Variants in SPAG16 observed in about 807,000 individuals in gnomAD.
The protein encoded by SPAG16 is sperm-associated antigen 16 protein.
In SPAG16, 86 loss-of-function variants were observed where a neutral mutation model predicts 80.4. That is an observed-to-expected ratio of 1.07 (90% confidence interval 0.90 to 1.28). The LOEUF (loss-of-function observed/expected upper bound fraction) is 1.28, where lower values mean the gene tolerates loss of function less well. SPAG16 is among the 50% of genes most tolerant of loss of function. The pLI, the probability that SPAG16 is intolerant of heterozygous loss-of-function variation, is 0.00. For missense variants in SPAG16, 870 were observed against 765.3 expected, an observed-to-expected ratio of 1.14 and a Z score of -1.61; for synonymous variants, 294 against 265.9, an observed-to-expected ratio of 1.11 and a Z score of -1.03.
At chr2:213,388,810 A>T (rs1212518567) in intron 9 of SPAG16, among the ~76,000 whole-genome samples, 1 of 152,242 alleles carries the variant, frequency 6.6e-6, no homozygotes, top group Non-Finnish European at 1.5e-5. Flanking sequence ...AAGCTAAAAA[A>T]CATTGCTGAG....
intron 10 of SPAG16, among the ~76,000 whole-genome samples, chr2:213,512,467 A>G (rs140550048): frequency 3.6e-4 from 55 of 152,308 alleles, no homozygotes; most frequent in African/African-American, 1.3e-3. Flanking sequence ...TGCTTCCTAT[A>G]TAATTACTGG....
chr2:214,073,241 T>A (rs1364910951), intron 13 of SPAG16, among the ~76,000 whole-genome samples: 1 of 151,312 alleles, frequency 6.6e-6, no homozygotes, highest in Non-Finnish European at 1.5e-5. Flanking sequence ...TCTTTTTTTT[T>A]TTTTCTTTTT....
At chr2:213,828,412 A>C (rs1428989557) in intron 10 of SPAG16, among the ~76,000 whole-genome samples, 1 of 152,026 alleles carries the variant, frequency 6.6e-6, no homozygotes, top group East Asian at 1.9e-4. Flanking sequence ...ATTTGATAGG[A>C]TTCTGAATTA....
At chr2:213,973,062 G>A (rs1233147832) in intron 12 of SPAG16, among the ~76,000 whole-genome samples, 3 of 152,116 alleles carry the variant, frequency 2.0e-5, no homozygotes, top group South Asian at 2.1e-4. Context: ...GATTTAGCCA[G>A]CCCAGTTAAA....
At chr2:214,213,868 C>A (rs1486720531) in intron 15 of SPAG16, among the ~76,000 whole-genome samples, 2 of 152,092 alleles carry the variant, frequency 1.3e-5, no homozygotes, top group Non-Finnish European at 2.9e-5. Context: ...AGGTCATGGC[C>A]TTTATGAACC....
intron 10 of SPAG16, among the ~76,000 whole-genome samples, chr2:213,646,679 T>G (rs2062835262): frequency 6.6e-6 from 1 of 152,244 alleles, no homozygotes; most frequent in Non-Finnish European, 1.5e-5. Context: ...TAAACATAAG[T>G]TGATACCAAT....
At chr2:213,751,858 A>G (rs2068091179) in intron 10 of SPAG16, among the ~76,000 whole-genome samples, 1 of 151,924 alleles carries the variant, frequency 6.6e-6, no homozygotes, top group South Asian at 2.1e-4. Flanking sequence ...CATGCTACAA[A>G]CTCTCAGGCC....
chr2:213,713,055 C>T lies in SPAG16; in HGVS notation c.1071-149430C>T, dbSNP rs185381577. 1.6e-3 allele frequency among the ~76,000 whole-genome samples: 237 copies of T among 152,252 alleles called. 2 individuals are homozygous for T. The highest frequency in any genetic ancestry group is 5.4e-3 in the African/African-American group (223 of 41,544). ...GGCAGGAGAGAGAATGAGTGCCGAG[C>T]GCAGTGGGGGAAAGCCCCTCATAAA... On this transcript the variant is annotated intron_variant, in intron 10 of 15. Coordinates refer to ENST00000331683, the MANE Select transcript of SPAG16 (RefSeq NM_024532.5).
chr2:214,069,895 C>T (rs2050708087), intron 13 of SPAG16, among the ~76,000 whole-genome samples: 1 of 151,996 alleles, frequency 6.6e-6, no homozygotes, highest in African/African-American at 2.4e-5. Context: ...TTTATATCAA[C>T]CAAGGCAAGG....
At chr2:214,219,683 C>T (rs1416419199) in intron 15 of SPAG16, among the ~76,000 whole-genome samples, 3 of 152,072 alleles carry the variant, frequency 2.0e-5, no homozygotes, top group Non-Finnish European at 4.4e-5. Context: ...GTATGTCATA[C>T]ATCACAATAT....
intron 3 of SPAG16, 101 bp downstream of exon 3, chr2:213,297,458 A>G: frequency 1.7e-6 from 1 of 598,772 alleles, no homozygotes; most frequent in Non-Finnish European, 2.9e-6. Flanking sequence ...TAGCTCAGTC[A>G]TCTGTTATAT....
intron 15 of SPAG16, among the ~76,000 whole-genome samples, chr2:214,326,453 G>A (rs1281097269): frequency 6.6e-6 from 1 of 152,112 alleles, no homozygotes; most frequent in Non-Finnish European, 1.5e-5. Context: ...TCAAGTTTGT[G>A]AAAATGTATC....
At chr2:213,332,028 A>G in intron 5 of SPAG16, among the ~76,000 whole-genome samples, 1 of 152,270 alleles carries the variant, frequency 6.6e-6, no homozygotes, top group East Asian at 1.9e-4. Flanking sequence ...ATAAAAAATA[A>G]ATAAAAAGGA....
chr2:214,089,439 C>T (rs1247599020), intron 13 of SPAG16, among the ~76,000 whole-genome samples: 1 of 152,048 alleles, frequency 6.6e-6, no homozygotes, highest in Non-Finnish European at 1.5e-5. Context: ...TTTCATCATT[C>T]TCCTTGTTTA....
At chr2:213,478,321 G>A (rs757545117) in intron 9 of SPAG16, among the ~76,000 whole-genome samples, 3 of 152,184 alleles carry the variant, frequency 2.0e-5, no homozygotes, top group African/African-American at 4.8e-5. Flanking sequence ...GTTATGACAA[G>A]TTACTCTGAC....
intron 13 of SPAG16, among the ~76,000 whole-genome samples, chr2:214,090,342 T>C (rs1378115088): frequency 1.3e-5 from 2 of 151,936 alleles, no homozygotes. Flanking sequence ...CAATATTCAA[T>C]TTCTTCGCAA....
chr2:213,603,610 T>C (rs1190860333), intron 10 of SPAG16, among the ~76,000 whole-genome samples: 1 of 152,230 alleles, frequency 6.6e-6, no homozygotes, highest in African/African-American at 2.4e-5. Flanking sequence ...ATTTATTATT[T>C]AGCTGTTTTA....
chr2:213,980,710 G>GTATA (rs1320481683), intron 12 of SPAG16, among the ~76,000 whole-genome samples: 13 of 117,218 alleles, frequency 1.1e-4, no homozygotes, highest in Admixed American at 9.0e-5. Flanking sequence ...GTGTGTGTGT[G>GTATA]TGTATATATA....
intron 10 of SPAG16, among the ~76,000 whole-genome samples, chr2:213,859,655 G>A (rs1055379832): frequency 6.6e-5 from 10 of 152,152 alleles, no homozygotes; most frequent in South Asian, 2.1e-4. Flanking sequence ...AAAATTATGA[G>A]TCTTAAAGCC....
Sources: gnomAD v4.1 joint callset for allele counts (sites outside exome capture counted in the v4.1 genomes callset) on GRCh38, gnomAD v4.1.1 for gene constraint, MANE v1.5 for transcripts, NCBI Gene and HGNC (gene_info 2026-07-23, HGNC 2026-07-21) for gene names.